Variants in PKNOX2 observed in about 807,000 individuals in gnomAD.
The protein encoded by PKNOX2 is homeobox protein PKNOX2.
In PKNOX2, 14 loss-of-function variants were observed where a neutral mutation model predicts 53.1. That is an observed-to-expected ratio of 0.26 (90% CI 0.17 to 0.41). The LOEUF is 0.41. Ranked by LOEUF, PKNOX2 falls within the 10% of genes least tolerant of loss-of-function variation. The probability of loss-of-function intolerance (pLI) is 1.00; values close to 1 mark genes in which losing one functional copy is unlikely to be tolerated. For synonymous variants in PKNOX2, 257 were observed against 242.8 expected, an observed-to-expected ratio of 1.06 and a Z score of -0.54; for missense variants, 496 against 602.8, an observed-to-expected ratio of 0.82 and a Z score of 1.85.
chr11:125,197,417 G>A (rs1274451889), intron 1 of PKNOX2, among the ~76,000 whole-genome samples: 2 of 152,166 alleles, frequency 1.3e-5, no homozygotes, highest in African/African-American at 4.8e-5. Context: ...CAAGGATCAG[G>A]CCACCCCTAC....
At position 125,431,470 on chromosome 11, in the gene PKNOX2, G is replaced by GCCCCCCCCCCC; in HGVS notation, c.*78_*79insCCCCCCCCCCC. On this transcript the variant is annotated 3_prime_UTR_variant, in exon 13 of 13. Coordinates refer to ENST00000298282, the MANE Select transcript of PKNOX2 (RefSeq NM_001382323.2). ...AGGCCTTCAGGGTGGGGGGGAAGGG[G>GCCCCCCCCCCC]ACATGGGCAGGAAGCACCGAGGGAG... 2 of 282,768 alleles carry GCCCCCCCCCCC rather than the reference G, an allele frequency of 7.1e-6. No individual in the cohort carries two copies. The allele number at this position is 282,768 out of a possible 1,614,324, so 17.5% of individuals were successfully genotyped here. A position where few individuals can be genotyped will look rare whatever the true frequency, so the allele number is the denominator to read the frequency against.
chr11:125,166,452 G>T lies in PKNOX2; in HGVS notation c.-201+1676G>T, dbSNP rs780745823. On this transcript the variant is annotated intron_variant, in intron 1 of 12. Coordinates refer to ENST00000298282, the MANE Select transcript of PKNOX2 (RefSeq NM_001382323.2). This position sits in a 1 kb window ranked among gnomAD's most constrained non-coding sequence, Gnocchi z 4.0. ...AGCGATTCCGGGAAGCGGACAGATCGAAGAGACCTTCTGGGCGAAGCGGCA... is the reference window on the plus strand; with the variant it reads ...AGCGATTCCGGGAAGCGGACAGATCTAAGAGACCTTCTGGGCGAAGCGGCA... Among the ~76,000 whole-genome samples the T allele has an allele frequency of 6.6e-6, 1 of 152,344 alleles. No homozygotes were observed. The highest frequency in any genetic ancestry group is 2.1e-4 in the South Asian group (1 of 4,830).
intron 1 of PKNOX2, among the ~76,000 whole-genome samples, chr11:125,210,231 C>A (rs976930762): frequency 1.3e-5 from 2 of 152,114 alleles, no homozygotes; most frequent in Admixed American, 6.5e-5. Context: ...TTCTTAGGAA[C>A]TTATTGGCAG....
rs1286225319 is a variant in PKNOX2 at position 125,422,156 on chromosome 11, C to G, written c.937-6856C>G. 6.6e-6 allele frequency among the ~76,000 whole-genome samples: 1 copy of G among 152,154 alleles called. No individual in the cohort carries two copies. The highest frequency in any genetic ancestry group is 1.5e-5 in the Non-Finnish European group (1 of 68,024). On this transcript the variant is annotated intron_variant, in intron 10 of 12. Coordinates refer to ENST00000298282, the MANE Select transcript of PKNOX2 (RefSeq NM_001382323.2). The surrounding 1 kb of genome is among the most constrained non-coding windows in gnomAD (Gnocchi z 4.1). ...TGGCCACAGGGAGTGACCCCTCGCT[C>G]CAAGTTGTTGTGGTCCTCAAACCCT...
chr11:125,273,618 G>A (rs1404574920), intron 2 of PKNOX2, among the ~76,000 whole-genome samples: 1 of 152,142 alleles, frequency 6.6e-6, no homozygotes, highest in Non-Finnish European at 1.5e-5. Flanking sequence ...GTGAGGGTAG[G>A]TCTGGGCACT....
chr11:125,334,031 G>A (rs1025746068), intron 3 of PKNOX2, among the ~76,000 whole-genome samples: 2 of 152,316 alleles, frequency 1.3e-5, no homozygotes, highest in South Asian at 2.1e-4. Flanking sequence ...AGGCAGAGGT[G>A]CCTAGGAAGA....
chr11:125,410,378 G>C (rs1056029371), intron 8 of PKNOX2, 53 bp downstream of exon 8: 3 of 1,607,612 alleles, frequency 1.9e-6, no homozygotes, highest in African/African-American at 1.3e-5. Context: ...GGAGGAGAAA[G>C]GGTGGCCCCG....
At chr11:125,398,104 T>C in intron 7 of PKNOX2, 42 bp downstream of exon 7, 1 of 1,562,014 alleles carries the variant, frequency 6.4e-7, no homozygotes. Flanking sequence ...GCCAGGCTCC[T>C]AAGCCCAGCT....
In PKNOX2 at chr11:125,370,112, G is replaced by A. The variant is rs1952444864; in HGVS notation, c.227+2127G>A. On this transcript the variant is annotated intron_variant, in intron 5 of 12. Transcript: ENST00000298282. This position sits in a 1 kb window ranked among gnomAD's most constrained non-coding sequence, Gnocchi z 4.1. Reference sequence around the variant, plus strand: ...CTAGAAAGCCCTCCAGATGAGTGGTGTAACGAATAGTTTTTGGAAACCTAG... The same window carrying A: ...CTAGAAAGCCCTCCAGATGAGTGGTATAACGAATAGTTTTTGGAAACCTAG... Among the ~76,000 whole-genome samples, 1 of 152,144 alleles carries A rather than the reference G, an allele frequency of 6.6e-6. No individual in the cohort carries two copies. Among genetic ancestry groups the A allele is most frequent in the Admixed American group, 6.5e-5 (1 of 15,278 alleles).
chr11:125,357,387 G>C (rs2136228929), intron 4 of PKNOX2, among the ~76,000 whole-genome samples: 1 of 152,180 alleles, frequency 6.6e-6, no homozygotes. Context: ...TTTAAACTTG[G>C]GAAGAAACAC....
chr11:125,222,759 ATG>A (rs1305030261), intron 1 of PKNOX2, among the ~76,000 whole-genome samples: 1 of 128,280 alleles, frequency 7.8e-6, no homozygotes, highest in African/African-American at 3.0e-5. Context: ...GTGCCTGTGT[ATG>A]TGTGTATGTG....
chr11:125,303,940 C>T (rs76066916), intron 2 of PKNOX2, among the ~76,000 whole-genome samples: 2,624 of 152,332 alleles, frequency 0.017, 85 homozygotes, highest in African/African-American at 0.058. Context: ...CTTCCCCCAG[C>T]TAGATGCATG....
intron 2 of PKNOX2, among the ~76,000 whole-genome samples, chr11:125,247,220 C>A (rs1284408479): frequency 2.0e-5 from 3 of 152,172 alleles, no homozygotes; most frequent in African/African-American, 7.2e-5. Context: ...CTGTGCTTAT[C>A]CACATGAGGT....
rs754649780 is a variant in PKNOX2, at chr11:125,410,740, T to C, written c.719-39T>C. The stretch of plus-strand genomic sequence containing the variant: ...CCTGCTTGCCCTCGCTCCTACCCAC[T>C]CCCATGGCAGGGGACCCCAAAACTG... On this transcript the variant is annotated intron_variant, in intron 8 of 12. Transcript: ENST00000298282. 2.0e-6 allele frequency: 3 copies of C among 1,519,414 alleles called. No individual in the cohort carries two copies. In the Admixed American group the frequency reaches 5.0e-5, roughly 25 times the overall value. 94.1% of individuals were successfully genotyped at this position (1,519,414 alleles called of 1,614,324 possible). A position where few individuals can be genotyped will look rare whatever the true frequency, so the allele number is the denominator to read the frequency against.
At position 125,232,932 on chromosome 11, in the gene PKNOX2, A is replaced by G. The variant is rs12281888; in HGVS notation, c.-200-2113A>G. 5.1e-3 allele frequency among the ~76,000 whole-genome samples: 775 copies of G among 151,030 alleles called. 6 individuals are homozygous for G. Among genetic ancestry groups the G allele is most frequent in the African/African-American group, 0.018 (735 of 41,012 alleles). On this transcript the variant is annotated intron_variant, in intron 1 of 12. Coordinates refer to ENST00000298282, the MANE Select transcript of PKNOX2 (RefSeq NM_001382323.2). Reference sequence around the variant, plus strand: ...TTTTAATGTAAGAGTGGGATTTGGTATATATATTCCTGTCAAATCTTTTCT... The same window carrying G: ...TTTTAATGTAAGAGTGGGATTTGGTGTATATATTCCTGTCAAATCTTTTCT...
chr11:125,410,163 C>G, intron 7 of PKNOX2, 33 bp from the exon 8 acceptor site: 1 of 1,611,638 alleles, frequency 6.2e-7, no homozygotes, highest in Non-Finnish European at 8.5e-7. Flanking sequence ...CTCTCAGTGT[C>G]ATTGTCACAA....
chr11:125,199,089 C>G (rs1274675297), intron 1 of PKNOX2, among the ~76,000 whole-genome samples: 2 of 152,194 alleles, frequency 1.3e-5, no homozygotes, highest in African/African-American at 4.8e-5. Context: ...TATCTGCCCT[C>G]CTCGGCCTCC....
chr11:125,392,124 T>C (rs554640566), intron 6 of PKNOX2, among the ~76,000 whole-genome samples: 1 of 152,352 alleles, frequency 6.6e-6, no homozygotes, highest in East Asian at 1.9e-4. Flanking sequence ...CAGACATTAT[T>C]AGAAGAGATT....
At chr11:125,333,064 C>G (rs978362239) in intron 3 of PKNOX2, among the ~76,000 whole-genome samples, 2 of 152,124 alleles carry the variant, frequency 1.3e-5, no homozygotes, top group African/African-American at 4.8e-5. Flanking sequence ...ATGCCCGTTT[C>G]GGGGGCAAGT....
Sources: allele counts gnomAD v4.1 joint callset (sites outside exome capture counted in the v4.1 genomes callset), GRCh38; gene constraint gnomAD v4.1.1; non-coding constraint Gnocchi (gnomAD v3.1); transcripts MANE v1.5; gene names NCBI Gene and HGNC (gene_info 2026-07-23, HGNC 2026-07-21).